Variants in COL6A5 observed in about 807,000 individuals in gnomAD.
The protein encoded by COL6A5 is collagen alpha-5(VI) chain.
In COL6A5, 48 loss-of-function variants were observed where a neutral mutation model predicts 65.6. The ratio of observed to expected loss-of-function variants is 0.73; its 90% CI spans 0.58 to 0.93. The LOEUF (loss-of-function observed/expected upper bound fraction) is 0.93, where lower values mean the gene tolerates loss of function less well. Ranked by LOEUF, COL6A5 falls within the 40% of genes least tolerant of loss-of-function variation. The pLI is 0.00. For missense variants in COL6A5, 914 were observed against 928.3 expected (o/e 0.98, Z 0.20); for synonymous variants, 291 against 322.8 (o/e 0.90, Z 1.05).
chr3:130,396,379 A>G (rs1364576239), intron 8 of COL6A5, among the ~76,000 whole-genome samples: 2 of 152,212 alleles, frequency 1.3e-5, no homozygotes. Flanking sequence ...GTGGAGGCAG[A>G]TTACAGTGGT....
chr3:130,440,271 AGTT>A, exon 3 of COL6A5: 2 of 1,607,824 alleles, frequency 1.2e-6, no homozygotes, highest in Non-Finnish European at 1.7e-6. Context: ...GCAAAGGATG[AGTT>A]TAAGGCTGTG....
Position 130,415,636 on chromosome 3 carries a change from C to T in COL6A5, c.4762-9C>T. ...TAATTGCATTGTATTTCCTTTGTTA[C>T]CACTAAAGGGGTCACAGGGAAATCC... is the stretch of plus-strand genomic sequence containing the variant. On this transcript the variant is annotated splice_polypyrimidine_tract_variant and intron_variant and NMD_transcript_variant, in intron 22 of 41. Coordinates refer to the COL6A5 transcript ENST00000312481. 2 of 1,545,240 alleles carry T rather than the reference C, an allele frequency of 1.3e-6. No individual in the cohort carries two copies. The highest frequency in any genetic ancestry group is 1.2e-5 in the South Asian group (1 of 83,364).
rs1559879241 is a variant in COL6A5 at position 130,398,124 on chromosome 3, TGTTG to T, written c.3991+14_3991+17del. ...CTCAGAGAAGCAGGTATTGAGTTGT[TGTTG>T]TTTTTTTTTTTTTTTTTTTTGAGAT... is the stretch of plus-strand genomic sequence containing the variant. On this transcript the variant is annotated intron_variant and NMD_transcript_variant, in intron 10 of 41. Coordinates refer to the COL6A5 transcript ENST00000312481. The T allele has an allele frequency of 5.4e-6, 8 of 1,470,304 alleles. No individual in the cohort carries two copies. Among genetic ancestry groups the T allele is most frequent in the Middle Eastern group, 1.8e-4 (1 of 5,412 alleles). The allele number at this position is 1,470,304 out of a possible 1,614,324, so 91.1% of individuals were successfully genotyped here.
chr3:130,483,536 T>C (rs1710303224), intron 7 of COL6A5, among the ~76,000 whole-genome samples: 1 of 152,158 alleles, frequency 6.6e-6, no homozygotes, highest in Non-Finnish European at 1.5e-5. Context: ...ATAGTGCATG[T>C]AGTTAAAGCA....
rs1465500181 is a variant in COL6A5 at position 130,477,110 on chromosome 3, A to G, written c.2328+6143A>G. The G allele has an allele frequency of 6.8e-6, 10 of 1,465,286 alleles. 1 individual carries two copies. The highest frequency in any genetic ancestry group is 1.7e-4 in the Middle Eastern group (1 of 5,830). 90.8% of individuals were successfully genotyped at this position (1,465,286 alleles called of 1,614,324 possible). The stretch of plus-strand genomic sequence containing the variant: ...CAGTAATTAATCCAATACTTTCGTC[A>G]TAGTGATTCATACTCTATGTTTATA... On this transcript the variant is annotated intron_variant, in intron 7 of 7. Coordinates refer to ENST00000512836, the Ensembl canonical transcript of COL6A5.
At chr3:130,387,428 T>A (rs1354156683) in intron 5 of COL6A5, among the ~76,000 whole-genome samples, 1 of 152,110 alleles carries the variant, frequency 6.6e-6, no homozygotes, top group Non-Finnish European at 1.5e-5. Context: ...AGAAGCCTAT[T>A]TCTTTTATAT....
intron 9 of COL6A5, 37 bp downstream of exon 9, chr3:130,397,960 C>A: frequency 6.5e-7 from 1 of 1,543,724 alleles, no homozygotes; most frequent in Non-Finnish European, 8.8e-7. Context: ...TCTCCACATT[C>A]TCCCATTTGT....
intron 7 of COL6A5, among the ~76,000 whole-genome samples, chr3:130,473,626 T>C: frequency 6.6e-6 from 1 of 152,106 alleles, no homozygotes; most frequent in East Asian, 1.9e-4. Flanking sequence ...TTCTCATAAA[T>C]GAAGAATGTT....
rs906919907 is a variant in COL6A5 at position 130,406,274 on chromosome 3, C to T, written c.4432C>T (p.His1478Tyr). The change falls in exon 17 of 42, where the codon CAT (histidine) becomes TAT (tyrosine). Residue 1478 changes from histidine to tyrosine, a missense_variant and NMD_transcript_variant. Physicochemically the swap from His to Tyr is moderately conservative, Grantham distance 83. Coordinates refer to the COL6A5 transcript ENST00000312481. Reference sequence around the variant, plus strand: ...TTTTCTTGTCTTCTTTTAGGGCTGTCATGGATTTCCTGGAATAAAAGGAGA... The same window carrying T: ...TTTTCTTGTCTTCTTTTAGGGCTGTTATGGATTTCCTGGAATAAAAGGAGA... 3.0e-5 allele frequency: 46 copies of T among 1,550,444 alleles called. No homozygotes were observed. Among genetic ancestry groups the T allele is most frequent in the African/African-American group, 4.1e-5 (3 of 72,978 alleles).
At chr3:130,372,483 C>T (rs1019794368) in intron 1 of COL6A5, among the ~76,000 whole-genome samples, 1 of 151,916 alleles carries the variant, frequency 6.6e-6, no homozygotes, top group African/African-American at 2.4e-5. Flanking sequence ...TGGAATATTA[C>T]TCAGCCATAA....
At chr3:130,398,935 C>A (rs1936711979) in intron 10 of COL6A5, among the ~76,000 whole-genome samples, 1 of 152,176 alleles carries the variant, frequency 6.6e-6, no homozygotes, top group Non-Finnish European at 1.5e-5. Flanking sequence ...GATTCCAGTT[C>A]TAGGGAACCT....
intron 15 of COL6A5, 40 bp from the exon 16 acceptor site, chr3:130,406,091 A>T: frequency 6.5e-7 from 1 of 1,546,256 alleles, no homozygotes; most frequent in Admixed American, 2.0e-5. Flanking sequence ...TGTGGCAGAG[A>T]CCTGCTTTTA....
chr3:130,387,260 G>A (rs1936224826), intron 5 of COL6A5, among the ~76,000 whole-genome samples: 1 of 152,030 alleles, frequency 6.6e-6, no homozygotes, highest in Non-Finnish European at 1.5e-5. Flanking sequence ...CTAGCTTCAA[G>A]GAAGGCTGGG....
intron 4 of COL6A5, among the ~76,000 whole-genome samples, chr3:130,447,281 C>G (rs1709329217): frequency 1.3e-5 from 2 of 152,096 alleles, no homozygotes; most frequent in African/African-American, 4.8e-5. Context: ...GACAGTCCAC[C>G]AAAGGAGCTA....
intron 4 of COL6A5, among the ~76,000 whole-genome samples, chr3:130,444,199 T>C (rs1300758952): frequency 6.6e-6 from 1 of 152,200 alleles, no homozygotes; most frequent in Non-Finnish European, 1.5e-5. Context: ...CTGTTCTTTT[T>C]TCAAGGTGCC....
At chr3:130,471,572 C>A in intron 7 of COL6A5, 110 bp from the exon 40 acceptor site, 1 of 1,012,706 alleles carries the variant, frequency 9.9e-7, no homozygotes, top group South Asian at 1.7e-5. Flanking sequence ...TGGACTATTC[C>A]AATCACATAC....
rs577601430 is a variant in COL6A5 at position 130,350,730 on chromosome 3, A to G, written c.-29+4749A>G. Among the ~76,000 whole-genome samples the G allele has an allele frequency of 1.1e-3, 163 of 152,338 alleles. 1 individual carries two copies. Among genetic ancestry groups the G allele is most frequent in the African/African-American group, 3.9e-3 (161 of 41,576 alleles). Reference sequence around the variant, plus strand: ...GAATCAATATTGTGAAAATGGCCATACTGCCCAAGGTAATTTATAGATTCT... The same window carrying G: ...GAATCAATATTGTGAAAATGGCCATGCTGCCCAAGGTAATTTATAGATTCT... On this transcript the variant is annotated intron_variant and NMD_transcript_variant, in intron 1 of 41. Coordinates refer to the COL6A5 transcript ENST00000312481.
chr3:130,387,872 T>C (rs889358299), intron 5 of COL6A5, among the ~76,000 whole-genome samples: 2 of 151,958 alleles, frequency 1.3e-5, no homozygotes, highest in Non-Finnish European at 2.9e-5. Flanking sequence ...AAATTGGTTT[T>C]ATATGTGTAC....
exon 20 of COL6A5, chr3:130,410,499 G>A (rs1181251479): frequency 1.3e-6 from 2 of 1,550,976 alleles, no homozygotes; most frequent in Middle Eastern, 1.7e-4. Flanking sequence ...GGGGTGCAAG[G>A]CAGTCCTAGT....
Sources: allele counts gnomAD v4.1 joint callset (sites outside exome capture counted in the v4.1 genomes callset), GRCh38; gene constraint gnomAD v4.1.1; transcripts MANE v1.5; gene names NCBI Gene and HGNC (gene_info 2026-07-23, HGNC 2026-07-21).